Variants in ARHGAP24 observed in about 807,000 individuals in gnomAD.
ARHGAP24 encodes Rho GTPase activating protein 24.
ARHGAP24 carries 50 observed loss-of-function variants against 76.4 expected under a neutral mutation model. That is an observed-to-expected ratio of 0.65 (90% confidence interval 0.52 to 0.83). The LOEUF (loss-of-function observed/expected upper bound fraction) is 0.83, where lower values mean the gene tolerates loss of function less well. Among genes scored for constraint, ARHGAP24 ranks in the 40% least tolerant of loss-of-function variants. The pLI, the probability that ARHGAP24 is intolerant of heterozygous loss-of-function variation, is 0.00. For missense variants in ARHGAP24, 930 were observed against 914.2 expected (o/e 1.02, Z -0.22); for synonymous variants, 345 against 323.3 (o/e 1.07, Z -0.72).
At chr4:85,718,229 T>C (rs1182249004) in intron 2 of ARHGAP24, among the ~76,000 whole-genome samples, 1 of 152,136 alleles carries the variant, frequency 6.6e-6, no homozygotes, top group African/African-American at 2.4e-5. Context: ...TTAAAGTATG[T>C]ATACTCAAGC....
At chr4:85,484,161 A>G (rs946314142) in intron 1 of ARHGAP24, among the ~76,000 whole-genome samples, 4 of 152,154 alleles carry the variant, frequency 2.6e-5, no homozygotes, top group African/African-American at 7.2e-5. Context: ...ACAGAAGTCC[A>G]TTAGTTTATA....
intron 3 of ARHGAP24, among the ~76,000 whole-genome samples, chr4:85,800,039 A>G (rs944858330): frequency 2.6e-5 from 4 of 152,210 alleles, no homozygotes; most frequent in East Asian, 3.9e-4. Flanking sequence ...GAGATCTTCA[A>G]TTGGATCCAG....
rs549260531 is a variant in ARHGAP24 at position 85,859,982 on chromosome 4, G to C, written c.269-63666G>C. On this transcript the variant is annotated intron_variant, in intron 3 of 9. Transcript: ENST00000395184. ...TGATATTAACAGGGCAAAGCTTTCT[G>C]ATAAGGATTGTGCCCTAAGCAGCCT... is the stretch of plus-strand genomic sequence containing the variant. Among the ~76,000 whole-genome samples the C allele has an allele frequency of 9.9e-4, 151 of 152,204 alleles. No individual in the cohort carries two copies. The Middle Eastern group carries it at 0.017, about 17-fold the overall frequency.
At chr4:85,733,581 A>G (rs1012513423) in intron 3 of ARHGAP24, among the ~76,000 whole-genome samples, 16 of 152,190 alleles carry the variant, frequency 1.1e-4, no homozygotes, top group African/African-American at 3.4e-4. Context: ...CATAACAAGT[A>G]CTACAAACTG....
At chr4:85,541,329 AT>A (rs1223993459) in intron 1 of ARHGAP24, among the ~76,000 whole-genome samples, 1 of 135,320 alleles carries the variant, frequency 7.4e-6, no homozygotes, top group Non-Finnish European at 1.5e-5. Context: ...AATTTTTTGT[AT>A]TTTTAGTAGA....
In ARHGAP24 at chr4:85,651,046, G is replaced by A. The variant is rs1321393400; in HGVS notation, c.181-70839G>A. Among the ~76,000 whole-genome samples, 2 of 32,098 alleles carry A rather than the reference G, an allele frequency of 6.2e-5. 1 individual carries two copies. The highest frequency in any genetic ancestry group is 4.5e-4 in the African/African-American group (2 of 4,442). The allele number at this position is 32,098 out of a possible 152,430, so 21.1% of individuals were successfully genotyped here. A position where few individuals can be genotyped will look rare whatever the true frequency, so the allele number is the denominator to read the frequency against. On this transcript the variant is annotated intron_variant, in intron 2 of 9. Transcript: ENST00000395184. ...TAAGCAGAAGTTGGCCTTGAAGAAA[G>A]GTCTGCATGGGAAAAATATTCCAGG...
At chr4:85,866,513 G>T (rs1419391795) in intron 3 of ARHGAP24, among the ~76,000 whole-genome samples, 1 of 152,084 alleles carries the variant, frequency 6.6e-6, no homozygotes, top group Non-Finnish European at 1.5e-5. Context: ...AAGATTCAGT[G>T]CAGAGATCTT....
intron 1 of ARHGAP24, among the ~76,000 whole-genome samples, chr4:85,481,217 G>T (rs1329395554): frequency 6.6e-6 from 1 of 152,056 alleles, no homozygotes; most frequent in Non-Finnish European, 1.5e-5. Context: ...ATATTTTTAT[G>T]ACTATTGTAT....
chr4:85,820,034 C>T lies in ARHGAP24; in HGVS notation c.268+98062C>T, dbSNP rs191970755. Among the ~76,000 whole-genome samples, 6 of 152,226 alleles carry T rather than the reference C, an allele frequency of 3.9e-5. No homozygotes were observed. In the South Asian group the frequency reaches 6.2e-4, roughly 16 times the overall value. On this transcript the variant is annotated intron_variant, in intron 3 of 9. Transcript: ENST00000395184. ...TTTCAGGTATTTCTTTGTAGCAATG[C>T]GAGAACAGACTATTACAACAATTGT...
rs192788336 is a variant in ARHGAP24 at position 85,992,285 on chromosome 4, T to C, written c.929-2298T>C. On this transcript the variant is annotated intron_variant, in intron 8 of 9. Transcript: ENST00000395184. ...ACTATAAAAATTCTAAGAAAGTCTCTTTACAAGGGGCTATGGCCATTTATT... is the reference window on the plus strand; with the variant it reads ...ACTATAAAAATTCTAAGAAAGTCTCCTTACAAGGGGCTATGGCCATTTATT... 3 of 392,440 alleles carry C rather than the reference T, an allele frequency of 7.6e-6. No individual in the cohort carries two copies. In the Admixed American group the frequency reaches 1.3e-4, roughly 17 times the overall value. The allele number at this position is 392,440 out of a possible 1,614,324, so 24.3% of individuals were successfully genotyped here.
At chr4:85,810,053 G>A (rs1728946296) in intron 3 of ARHGAP24, among the ~76,000 whole-genome samples, 1 of 152,122 alleles carries the variant, frequency 6.6e-6, no homozygotes, top group South Asian at 2.1e-4. Context: ...TATCTTTCAA[G>A]GCTGTCGAGA....
intron 3 of ARHGAP24, among the ~76,000 whole-genome samples, chr4:85,873,144 A>G (rs1422531398): frequency 1.3e-5 from 2 of 152,082 alleles, no homozygotes; most frequent in Non-Finnish European, 2.9e-5. Flanking sequence ...CAGAATATGG[A>G]CTTGCAAGTT....
chr4:85,934,729 C>G (rs369604066), intron 4 of ARHGAP24, among the ~76,000 whole-genome samples: 8 of 152,026 alleles, frequency 5.3e-5, no homozygotes, highest in African/African-American at 1.9e-4. Context: ...TGGCCAGGCT[C>G]GTCTCAAACT....
intron 2 of ARHGAP24, among the ~76,000 whole-genome samples, chr4:85,704,079 C>G (rs1022886525): frequency 3.9e-5 from 6 of 152,126 alleles, no homozygotes; most frequent in African/African-American, 1.4e-4. Flanking sequence ...ACCTGAAATT[C>G]TTGCGTGCTG....
chr4:85,930,908 G>T (rs748715292), intron 4 of ARHGAP24: 2 of 1,613,480 alleles, frequency 1.2e-6, no homozygotes, highest in South Asian at 2.2e-5. Flanking sequence ...CCAAAACCGG[G>T]TTCAGAACTT....
Position 86,000,750 on chromosome 4 carries a change from G to C in ARHGAP24, c.*28G>C, listed in dbSNP as rs74997971. 818 of 1,613,008 alleles carry C rather than the reference G, an allele frequency of 5.1e-4. 5 individuals are homozygous for C. The African/African-American group carries it at 8.6e-3, about 17-fold the overall frequency. On this transcript the variant is annotated 3_prime_UTR_variant, in exon 10 of 10. Coordinates refer to ENST00000395184, the MANE Select transcript of ARHGAP24 (RefSeq NM_001025616.3). ...CTGCTTTCGCCTGCTGTCTCTGATGGCTCTGGCAAGGACTCCAGGGATTCT... is the reference window on the plus strand; with the variant it reads ...CTGCTTTCGCCTGCTGTCTCTGATGCCTCTGGCAAGGACTCCAGGGATTCT...
At chr4:85,923,793 GA>G in intron 4 of ARHGAP24, 23 bp downstream of exon 4, 5 of 1,613,688 alleles carry the variant, frequency 3.1e-6, no homozygotes, top group Non-Finnish European at 4.2e-6. Context: ...TAAAATCATG[GA>G]AAAACAGAAA....
At chr4:85,595,578 A>G (rs570110191) in intron 2 of ARHGAP24, among the ~76,000 whole-genome samples, 10 of 152,200 alleles carry the variant, frequency 6.6e-5, no homozygotes, top group Admixed American at 5.2e-4. Flanking sequence ...AGGATTATGT[A>G]AAAGACTTTA....
chr4:85,788,343 T>G (rs1416987126), intron 3 of ARHGAP24, among the ~76,000 whole-genome samples: 3 of 152,256 alleles, frequency 2.0e-5, no homozygotes, highest in Non-Finnish European at 4.4e-5. Context: ...CATCTATTCC[T>G]TCTACACAAA....
Sources: allele counts gnomAD v4.1 joint callset (sites outside exome capture counted in the v4.1 genomes callset), GRCh38; gene constraint gnomAD v4.1.1; transcripts MANE v1.5; gene names NCBI Gene and HGNC (gene_info 2026-07-23, HGNC 2026-07-21).